Variants in MCF2L2 observed in about 807,000 individuals in gnomAD.
The protein encoded by MCF2L2 is MCF.2 cell line derived transforming sequence-like 2, also known as probable guanine nucleotide exchange factor MCF2L2.
In MCF2L2, 102 loss-of-function variants were observed where a neutral mutation model predicts 150.2. The ratio of observed to expected loss-of-function variants is 0.68; its 90% CI spans 0.58 to 0.80. MCF2L2 has a LOEUF of 0.80. Ranked by LOEUF, MCF2L2 falls within the 30% of genes least tolerant of loss-of-function variation. The pLI is 0.00. For missense variants in MCF2L2, 1,256 were observed against 1,372.8 expected (o/e 0.91, Z 1.34); for synonymous variants, 465 against 491.3 (o/e 0.95, Z 0.71).
intron 3 of MCF2L2, chr3:183,374,443 G>A (rs1713070494): frequency 6.6e-6 from 1 of 152,376 alleles, no homozygotes; most frequent in Non-Finnish European, 1.5e-5. Context: ...GCTGAGGCGG[G>A]CGGATCACAA....
At chr3:183,303,125 C>T (rs554159474) in intron 10 of MCF2L2, among the ~76,000 whole-genome samples, 2 of 148,246 alleles carry the variant, frequency 1.3e-5, no homozygotes, top group South Asian at 4.3e-4. Flanking sequence ...ACCTGGGAGG[C>T]GGAGGTTGCA....
intron 15 of MCF2L2, among the ~76,000 whole-genome samples, chr3:183,240,975 C>T (rs529302146): frequency 1.2e-3 from 176 of 152,324 alleles, no homozygotes; most frequent in African/African-American, 4.1e-3. Flanking sequence ...GAGCCTGGCT[C>T]CATGATAGGC....
chr3:183,330,110 T>A lies in MCF2L2; in HGVS notation c.487-6759A>T, dbSNP rs185353558. On this transcript the variant is annotated intron_variant, in intron 5 of 29. Coordinates refer to ENST00000328913, the MANE Select transcript of MCF2L2 (RefSeq NM_015078.4). ...AAAAAAAAAAATCAGCCGGGCATGG[T>A]GGTGCGCACCTGTAGTCCCAGCTAC... Among the ~76,000 whole-genome samples, 653 of 149,490 alleles carry A rather than the reference T, an allele frequency of 4.4e-3. 3 individuals carry two copies. Among genetic ancestry groups the A allele is most frequent in the African/African-American group, 0.015 (624 of 40,748 alleles).
intron 1 of MCF2L2, among the ~76,000 whole-genome samples, chr3:183,390,305 T>TAA (rs1371108762): frequency 6.6e-6 from 1 of 152,178 alleles, no homozygotes; most frequent in Non-Finnish European, 1.5e-5. Context: ...CAGAATACTT[T>TAA]AAGGGGCCTC....
intron 23 of MCF2L2, 71 bp downstream of exon 23, chr3:183,207,537 G>T: frequency 1.6e-6 from 2 of 1,219,184 alleles, no homozygotes; most frequent in Non-Finnish European, 2.4e-6. Context: ...TTCCTCATCT[G>T]TAAAATAAGG....
intron 22 of MCF2L2, among the ~76,000 whole-genome samples, chr3:183,214,956 T>C (rs563603660): frequency 6.6e-6 from 1 of 152,050 alleles, no homozygotes; most frequent in Non-Finnish European, 1.5e-5. Context: ...GATCATGCCA[T>C]TACACTCCAG....
Position 183,341,620 on chromosome 3 carries a change from C to A in MCF2L2, c.286G>T (p.Ala96Ser). 6.2e-7 allele frequency: 1 copy of A among 1,613,652 alleles called. No individual in the cohort carries two copies. The highest frequency in any genetic ancestry group is 8.5e-7 in the Non-Finnish European group (1 of 1,179,536). Residue 96 changes from alanine to serine, a missense_variant, in exon 4 of 30, where the codon GCC becomes TCC. Coordinates refer to ENST00000328913, the MANE Select transcript of MCF2L2 (RefSeq NM_015078.4). ...YLTSIPSVEA[A>S]SIGFIVVIDR... ...ATAACAACAATGAATCCAATGCTGG[C>A]AGCCTCCACACTGCAAAGAAGGGTG...
At chr3:183,295,236 C>G (rs1728427708) in intron 13 of MCF2L2, 64 bp downstream of exon 13, 1 of 1,492,194 alleles carries the variant, frequency 6.7e-7, no homozygotes, top group Non-Finnish European at 9.0e-7. Flanking sequence ...GACAACCAGT[C>G]ACAGTCCTCA....
At chr3:183,272,724 A>G (rs1726884461) in intron 15 of MCF2L2, 1 of 1,031,302 alleles carries the variant, frequency 9.7e-7, no homozygotes, top group Non-Finnish European at 1.2e-6. Context: ...CCAAGCAACA[A>G]GCTTATAATT....
intron 10 of MCF2L2, among the ~76,000 whole-genome samples, chr3:183,303,687 C>T (rs1467414271): frequency 6.6e-6 from 1 of 152,164 alleles, no homozygotes; most frequent in Non-Finnish European, 1.5e-5. Context: ...GGCCTCATGG[C>T]TTCTCATGGG....
rs1367072102 is a variant in MCF2L2 at position 183,228,257 on chromosome 3, C to T, written c.2115+40G>A. Reference sequence around the variant, plus strand: ...GCCACTTAACGCAGAAATGTAAGGGCTGACTTTAACATGATTATTTACTGG... The same window carrying T: ...GCCACTTAACGCAGAAATGTAAGGGTTGACTTTAACATGATTATTTACTGG... On this transcript the variant is annotated intron_variant, in intron 18 of 29. Transcript: ENST00000328913. 2.7e-6 allele frequency: 4 copies of T among 1,499,256 alleles called. No homozygotes were observed. In the African/African-American group the frequency reaches 5.5e-5, roughly 21 times the overall value. The allele number at this position is 1,499,256 out of a possible 1,614,324, so 92.9% of individuals were successfully genotyped here. A position where few individuals can be genotyped will look rare whatever the true frequency, so the allele number is the denominator to read the frequency against.
chr3:183,217,166 C>T (rs185618718), intron 21 of MCF2L2, among the ~76,000 whole-genome samples: 127 of 151,006 alleles, frequency 8.4e-4, no homozygotes, highest in South Asian at 3.8e-3. Context: ...TGGTGGTGGG[C>T]GCCTGTAATC....
At chr3:183,200,412 C>T (rs185171526) in intron 25 of MCF2L2, among the ~76,000 whole-genome samples, 2 of 152,320 alleles carry the variant, frequency 1.3e-5, no homozygotes, top group Admixed American at 1.3e-4. Flanking sequence ...CTGTTGGCTG[C>T]ATAAATGTCT....
chr3:183,281,164 C>CA (rs1727453969), intron 14 of MCF2L2, among the ~76,000 whole-genome samples: 1 of 151,976 alleles, frequency 6.6e-6, no homozygotes, highest in African/African-American at 2.4e-5. Flanking sequence ...CAATAATTAT[C>CA]AAAACGTTCT....
intron 3 of MCF2L2, among the ~76,000 whole-genome samples, chr3:183,351,226 A>ATC (rs1439911660): frequency 2.2e-5 from 2 of 89,822 alleles, no homozygotes; most frequent in Non-Finnish European, 4.0e-5. Flanking sequence ...ATATATATAT[A>ATC]TATATATATA....
At chr3:183,318,694 A>G (rs1005582277) in intron 6 of MCF2L2, among the ~76,000 whole-genome samples, 3 of 152,252 alleles carry the variant, frequency 2.0e-5, no homozygotes, top group African/African-American at 7.2e-5. Flanking sequence ...GGCCACTGCA[A>G]TGAAGCCAAT....
rs780761688 is a variant in MCF2L2 at position 183,300,058 on chromosome 3, T to G, written c.1252A>C (p.Lys418Gln). 1 of 1,613,938 alleles carries G rather than the reference T, an allele frequency of 6.2e-7. No homozygotes were observed. Among genetic ancestry groups the G allele is most frequent in the South Asian group, 1.1e-5 (1 of 91,036 alleles). The change falls in exon 11 of 30, where the codon AAA becomes CAA. Residue 418 changes from lysine (K) to glutamine (Q), a missense_variant. Physicochemically the swap from Lys to Gln is moderately conservative, Grantham distance 53. Coordinates refer to ENST00000328913, the MANE Select transcript of MCF2L2 (RefSeq NM_015078.4). ...LCDDFINGNKKKWDILGKSLE... is the reference protein window; with the variant it reads ...LCDDFINGNKQKWDILGKSLE... ...GACTTTCCTAAAATGTCCCATTTTTTCTTGTTTCCATTGATGAAATCGTCA... is the reference window on the plus strand; with the variant it reads ...GACTTTCCTAAAATGTCCCATTTTTGCTTGTTTCCATTGATGAAATCGTCA...
chr3:183,212,752 A>C (rs1418700952), intron 22 of MCF2L2, among the ~76,000 whole-genome samples: 1 of 152,138 alleles, frequency 6.6e-6, no homozygotes, highest in East Asian at 1.9e-4. Flanking sequence ...AATGAAAAGC[A>C]GAAGCTGTGG....
chr3:183,384,812 T>G (rs960914790), intron 2 of MCF2L2, among the ~76,000 whole-genome samples: 1 of 152,184 alleles, frequency 6.6e-6, no homozygotes, highest in African/African-American at 2.4e-5. Context: ...GTGGTTACAG[T>G]TGGAGCTCTA....
Sources: allele counts gnomAD v4.1 joint callset (sites outside exome capture counted in the v4.1 genomes callset), GRCh38; gene constraint gnomAD v4.1.1; transcripts MANE v1.5; gene names NCBI Gene and HGNC (gene_info 2026-07-23, HGNC 2026-07-21).